TNIP2: variants seen among roughly 807,000 people sequenced by gnomAD.
TNIP2 encodes TNFAIP3-interacting protein 2.
TNIP2 carries 30 observed loss-of-function variants against 43.7 expected under a neutral mutation model. The ratio of observed to expected loss-of-function variants is 0.69; its 90% CI spans 0.51 to 0.93. TNIP2 has a LOEUF of 0.93. Among genes scored for constraint, TNIP2 ranks in the 40% least tolerant of loss-of-function variants. The pLI is 0.00. For synonymous variants in TNIP2, 260 were observed against 254.6 expected, an observed-to-expected ratio of 1.02 and a Z score of -0.20; for missense variants, 599 against 591.0, an observed-to-expected ratio of 1.01 and a Z score of -0.14.
chr4:2,749,174 T>C (rs1272446241), intron 1 of TNIP2, among the ~76,000 whole-genome samples: 1 of 152,080 alleles, frequency 6.6e-6, no homozygotes, highest in African/African-American at 2.4e-5. Context: ...TCGCTATATA[T>C]AGCCCAAGCT....
In TNIP2 at chr4:2,756,041, G is replaced by A. The variant is rs1210523642; in HGVS notation, c.249C>T (p.Gly83=). 1.3e-6 allele frequency: 2 copies of A among 1,548,250 alleles called. No individual in the cohort carries two copies. Among genetic ancestry groups the A allele is most frequent in the South Asian group, 1.2e-5 (1 of 85,764 alleles). Reference sequence around the variant, plus strand: ...GGCGCATCTGGGCCTCGGCGGCGCCGCCCTCCTGCCTTCGCAGCTGCTCCC... The same window carrying A: ...GGCGCATCTGGGCCTCGGCGGCGCCACCCTCCTGCCTTCGCAGCTGCTCCC... ...RFREQLRRQE[G]GAAEAQMRQE... is the part of the protein sequence containing the mutation. The change falls in exon 1 of 6, where the codon GGC becomes GGT. Residue 83 remains glycine (G), a synonymous_variant. Coordinates refer to ENST00000315423, the MANE Select transcript of TNIP2 (RefSeq NM_024309.4).
rs375923644 is a variant in TNIP2, at chr4:2,755,805, G to A, written c.276+209C>T. 6.9e-5 allele frequency: 38 copies of A among 548,734 alleles called. No homozygotes were observed. In the East Asian group the frequency reaches 1.3e-3, roughly 19 times the overall value. The allele number at this position is 548,734 out of a possible 1,614,324, so 34.0% of individuals were successfully genotyped here. ...GCTCCCCCAACCCCTCAGGAGCCGGGGCCCCCTCACCCCCAGGACCCGGCA... is the reference window on the plus strand; with the variant it reads ...GCTCCCCCAACCCCTCAGGAGCCGGAGCCCCCTCACCCCCAGGACCCGGCA... On this transcript the variant is annotated intron_variant, in intron 1 of 5. Transcript: ENST00000315423.
At chr4:2,755,760 C>G (rs1272112084) in intron 1 of TNIP2, among the ~76,000 whole-genome samples, 1 of 140,460 alleles carries the variant, frequency 7.1e-6, no homozygotes, top group African/African-American at 2.7e-5. Context: ...CCGGCACCCC[C>G]TCAACCCCCA....
In TNIP2 at chr4:2,756,315, C is replaced by A; in HGVS notation, c.-26G>T. ...GGCTGTAGGCCCGCCCGGGAGGCCG[C>A]GCGGCCGCCGGCAACTTCCGCGCCC... On this transcript the variant is annotated 5_prime_UTR_variant, in exon 1 of 6. Coordinates refer to ENST00000315423, the MANE Select transcript of TNIP2 (RefSeq NM_024309.4). The A allele has an allele frequency of 8.3e-7, 1 of 1,200,746 alleles. No homozygotes were observed. The highest frequency in any genetic ancestry group is 1.0e-6 in the Non-Finnish European group (1 of 967,356). The allele number at this position is 1,200,746 out of a possible 1,614,324, so 74.4% of individuals were successfully genotyped here.
At chr4:2,752,498 C>A (rs1020288587) in intron 1 of TNIP2, among the ~76,000 whole-genome samples, 4 of 152,182 alleles carry the variant, frequency 2.6e-5, no homozygotes, top group African/African-American at 9.7e-5. Context: ...GTCAGCTCCT[C>A]CACATTCTGA....
At chr4:2,743,416 C>G (rs1244351330) in intron 5 of TNIP2, among the ~76,000 whole-genome samples, 1 of 152,226 alleles carries the variant, frequency 6.6e-6, no homozygotes, top group Non-Finnish European at 1.5e-5. Context: ...CTCCTTCAAT[C>G]CAAATCACAT....
At chr4:2,750,733 T>G (rs1722080869) in intron 1 of TNIP2, among the ~76,000 whole-genome samples, 1 of 151,998 alleles carries the variant, frequency 6.6e-6, no homozygotes, top group South Asian at 2.1e-4. Context: ...AGGCTGGTCT[T>G]GAACTCCTGG....
In TNIP2 at chr4:2,756,207, C is replaced by A; in HGVS notation, c.83G>T (p.Gly28Val). The A allele has an allele frequency of 2.0e-6, 3 of 1,474,320 alleles. No homozygotes were observed. The highest frequency in any genetic ancestry group is 2.7e-6 in the Non-Finnish European group (3 of 1,120,858). The allele number at this position is 1,474,320 out of a possible 1,614,324, so 91.3% of individuals were successfully genotyped here. A position where few individuals can be genotyped will look rare whatever the true frequency, so the allele number is the denominator to read the frequency against. Reference sequence around the variant, plus strand: ...GTCCTGCAGGCGGCGCAGCCGCTGTCCGGCCTCGTGGTACAGGGTGCAGAG... The same window carrying A: ...GTCCTGCAGGCGGCGCAGCCGCTGTACGGCCTCGTGGTACAGGGTGCAGAG... ...AALCTLYHEA[G>V]QRLRRLQDQL... Residue 28 changes from glycine to valine, a missense_variant, in exon 1 of 6, where the codon GGA (glycine) becomes GTA (valine). Physicochemically the swap from Gly to Val is moderately radical, Grantham distance 109. Transcript: ENST00000315423.
rs756387535 is a variant in TNIP2 at position 2,742,440 on chromosome 4, A to G, written c.1107T>C (p.Leu369=). The G allele has an allele frequency of 1.9e-6, 3 of 1,612,802 alleles. No homozygotes were observed. Among genetic ancestry groups the G allele is most frequent in the Non-Finnish European group, 2.5e-6 (3 of 1,179,302 alleles). Residue 369 remains leucine (L), a synonymous_variant, in exon 6 of 6, where the codon CTT becomes CTC. Coordinates refer to ENST00000315423, the MANE Select transcript of TNIP2 (RefSeq NM_024309.4). ...AKYLAADALE[L]MVPGGWRPGT... is the part of the protein sequence containing the mutation. ...CAGGCCTCCAGCCACCAGGCACCAT[A>G]AGCTCTAATGCGTCGGCGGCCAAAT...
chr4:2,754,505 C>T (rs1026992249), intron 1 of TNIP2, among the ~76,000 whole-genome samples: 2 of 152,340 alleles, frequency 1.3e-5, no homozygotes, highest in East Asian at 3.9e-4. Flanking sequence ...CAAGCTCCGC[C>T]GCCCGGGTTC....
Position 2,742,451 on chromosome 4 carries a change from C to T in TNIP2, c.1096G>A (p.Ala366Thr), listed in dbSNP as rs371964164. ...SKTAKYLAAD[A>T]LELMVPGGWR... ...CCACCAGGCACCATAAGCTCTAATG[C>T]GTCGGCGGCCAAATACTTGGCAGTT... The change falls in exon 6 of 6, where the codon GCA (alanine) becomes ACA (threonine). Residue 366 changes from alanine (A) to threonine (T), a missense_variant. Coordinates refer to ENST00000315423, the MANE Select transcript of TNIP2 (RefSeq NM_024309.4). 6.8e-6 allele frequency: 11 copies of T among 1,610,958 alleles called. No homozygotes were observed. The highest frequency in any genetic ancestry group is 6.6e-5 in the South Asian group (6 of 90,654).
intron 1 of TNIP2, among the ~76,000 whole-genome samples, chr4:2,751,941 T>C (rs1266939309): frequency 6.8e-6 from 1 of 146,388 alleles, no homozygotes; most frequent in Non-Finnish European, 1.5e-5. Context: ...CCGCCTCTAC[T>C]AAAGATACAA....
In TNIP2 at chr4:2,744,724, C is replaced by T. The variant is rs1367525178; in HGVS notation, c.879G>A (p.Leu293=). 6.2e-7 allele frequency: 1 copy of T among 1,605,200 alleles called. No homozygotes were observed. Among genetic ancestry groups the T allele is most frequent in the East Asian group, 2.2e-5 (1 of 44,888 alleles). ...GCTGTTCCAGCATCTGCACCCGCTC[C>T]AACGCAGCATCCCGGGCCGTCCTGG... ...AASRTARDAA[L]ERVQMLEQQI... The change falls in exon 4 of 6, where the codon TTG becomes TTA. Residue 293 remains leucine (L), a synonymous_variant. Coordinates refer to ENST00000315423, the MANE Select transcript of TNIP2 (RefSeq NM_024309.4). This position sits in a 1 kb window ranked among gnomAD's most constrained non-coding sequence, Gnocchi z 5.1.
At chr4:2,742,744 G>A (rs1245634684) in intron 5 of TNIP2, among the ~76,000 whole-genome samples, 1 of 152,144 alleles carries the variant, frequency 6.6e-6, no homozygotes, top group Non-Finnish European at 1.5e-5. Flanking sequence ...AGGCCCTGGC[G>A]TGGTCCACCC....
chr4:2,748,637 C>A (rs536121404), intron 1 of TNIP2, among the ~76,000 whole-genome samples: 1 of 134,930 alleles, frequency 7.4e-6, no homozygotes, highest in Non-Finnish European at 1.6e-5. Context: ...GGATTACAGG[C>A]GTGAGCCACC....
chr4:2,745,394 T>TA lies in TNIP2; in HGVS notation c.657+51dup, dbSNP rs530061007. 3.7e-3 allele frequency: 5,120 copies of TA among 1,388,350 alleles called. 33 individuals are homozygous for TA. The highest frequency in any genetic ancestry group is 3.7e-3 in the Non-Finnish European group (3,629 of 985,050). 86.0% of individuals were successfully genotyped at this position (1,388,350 alleles called of 1,614,324 possible). ...ATCAGCCAAGGAAAGAACCCTCACT[T>TA]ACAGTTTGTAAGCCATGTGTTCTTC... On this transcript the variant is annotated intron_variant, in intron 3 of 5. Transcript: ENST00000315423.
Position 2,741,948 on chromosome 4 carries a change from G to A in TNIP2, c.*309C>T. On this transcript the variant is annotated 3_prime_UTR_variant, in exon 6 of 6. Coordinates refer to ENST00000315423, the MANE Select transcript of TNIP2 (RefSeq NM_024309.4). ...GCCACCCCTTTCTAGGCAGGCTGGG[G>A]GAGGGGCTGGCACACCAGCACCAGA... 7.7e-6 allele frequency: 2 copies of A among 260,312 alleles called. No homozygotes were observed. Among genetic ancestry groups the A allele is most frequent in the Non-Finnish European group, 1.5e-5 (2 of 137,788 alleles). The allele number at this position is 260,312 out of a possible 1,614,324, so 16.1% of individuals were successfully genotyped here. A position where few individuals can be genotyped will look rare whatever the true frequency, so the allele number is the denominator to read the frequency against.
chr4:2,744,599 G>A lies in TNIP2; in HGVS notation c.907-93C>T. ...CCCCACAGTGACCACTGCCCACTCA[G>A]TGCCACCAAGCCTTCAGCCCAGCCT... On this transcript the variant is annotated intron_variant, in intron 4 of 5. Transcript: ENST00000315423. This position sits in a 1 kb window ranked among gnomAD's most constrained non-coding sequence, Gnocchi z 5.1. 7 of 1,596,004 alleles carry A rather than the reference G, an allele frequency of 4.4e-6. No individual in the cohort carries two copies. The highest frequency in any genetic ancestry group is 1.3e-5 in the African/African-American group (1 of 74,708).
At chr4:2,745,646 G>C (rs985017463) in intron 2 of TNIP2, 111 bp from the exon 3 acceptor site, 1 of 735,452 alleles carries the variant, frequency 1.4e-6, no homozygotes, top group East Asian at 2.7e-5. Flanking sequence ...CCAGTGCAGC[G>C]GGTAGTGATC....
Sources: allele counts gnomAD v4.1 joint callset (sites outside exome capture counted in the v4.1 genomes callset), GRCh38; gene constraint gnomAD v4.1.1; non-coding constraint Gnocchi (gnomAD v3.1); transcripts MANE v1.5; gene names NCBI Gene and HGNC (gene_info 2026-07-23, HGNC 2026-07-21).